The following CSMD2 variants were observed in gnomAD, a reference collection of about 807,000 sequenced individuals.
CSMD2 encodes CUB and Sushi multiple domains 2.
A neutral mutation model predicts 398.5 loss-of-function variants in CSMD2; 130 were observed. The observed-to-expected ratio is 0.33, with a 90% CI of 0.28 to 0.38. The LOEUF is 0.38. Among genes scored for constraint, CSMD2 ranks in the 10% least tolerant of loss-of-function variants. The pLI is 1.00. For synonymous variants in CSMD2, 1,828 were observed against 1,908.5 expected (o/e 0.96, Z 1.10); for missense variants, 3,829 against 4,764.9 (o/e 0.80, Z 5.78).
chr1:33,754,351 A>G (rs1178303465), intron 13 of CSMD2, among the ~76,000 whole-genome samples: 1 of 152,132 alleles, frequency 6.6e-6, no homozygotes, highest in African/African-American at 2.4e-5. Flanking sequence ...CCCCACCCCC[A>G]TCTTGCTCCC....
chr1:33,767,490 T>C (rs935803883), intron 13 of CSMD2, among the ~76,000 whole-genome samples: 1 of 152,166 alleles, frequency 6.6e-6, no homozygotes, highest in African/African-American at 2.4e-5. Flanking sequence ...CATGACACCA[T>C]GAGATTGTCC....
At chr1:33,596,181 T>TC (rs892684768) in intron 44 of CSMD2, among the ~76,000 whole-genome samples, 38 of 152,216 alleles carry the variant, frequency 2.5e-4, no homozygotes, top group Middle Eastern at 3.4e-3. Flanking sequence ...TGCTGACCCC[T>TC]CCCTCCTCAC....
chr1:33,645,563 A>G (rs1456565648), intron 29 of CSMD2, among the ~76,000 whole-genome samples: 3 of 152,218 alleles, frequency 2.0e-5, no homozygotes, highest in Non-Finnish European at 4.4e-5. Flanking sequence ...ATAATTAGGG[A>G]AGACTAAAAG....
At position 33,879,069 on chromosome 1, in the gene CSMD2, G is replaced by C. The variant is rs60770238; in HGVS notation, c.921-32073C>G. Among the ~76,000 whole-genome samples, 519 of 152,334 alleles carry C rather than the reference G, an allele frequency of 3.4e-3. 3 individuals carry two copies. The highest frequency in any genetic ancestry group is 0.012 in the African/African-American group (482 of 41,576). The stretch of plus-strand genomic sequence containing the variant: ...CAATCAAAGAGTTCTCTCGGCTGGA[G>C]GTTCCAACTGGAATGTGTGAGTTGG... On this transcript the variant is annotated intron_variant, in intron 5 of 70. Coordinates refer to ENST00000373381, the MANE Select transcript of CSMD2 (RefSeq NM_001281956.2).
At chr1:34,077,736 CAAAAAAAAAA>C (rs59532141) in intron 2 of CSMD2, among the ~76,000 whole-genome samples, 8 of 38,372 alleles carry the variant, frequency 2.1e-4, no homozygotes, top group East Asian at 2.1e-3. Context: ...GACTCCATCT[CAAAAAAAAAA>C]AAAAAAAAAA....
At chr1:33,838,276 T>A (rs1175479356) in intron 6 of CSMD2, among the ~76,000 whole-genome samples, 1 of 152,220 alleles carries the variant, frequency 6.6e-6, no homozygotes, top group Non-Finnish European at 1.5e-5. Flanking sequence ...ATTTCTCCAA[T>A]GTGTATCCTT....
chr1:33,760,073 G>A (rs186383264), intron 13 of CSMD2, among the ~76,000 whole-genome samples: 2 of 152,168 alleles, frequency 1.3e-5, no homozygotes, highest in Non-Finnish European at 1.5e-5. Context: ...ATCCCATAGA[G>A]GTTGGCTAGG....
intron 10 of CSMD2, among the ~76,000 whole-genome samples, chr1:33,801,385 C>T (rs1655588884): frequency 6.6e-6 from 1 of 152,114 alleles, no homozygotes; most frequent in East Asian, 1.9e-4. Context: ...GGGTTTCAGT[C>T]CTGTCTACAT....
intron 3 of CSMD2, among the ~76,000 whole-genome samples, chr1:33,988,036 T>C (rs61771362): frequency 0.082 from 12,426 of 152,260 alleles, 840 homozygotes; most frequent in East Asian, 0.29. Context: ...AAACACTTCA[T>C]GTACCAAGTG....
chr1:33,638,926 G>A (rs1642958777), intron 29 of CSMD2, among the ~76,000 whole-genome samples: 1 of 152,162 alleles, frequency 6.6e-6, no homozygotes, highest in South Asian at 2.1e-4. Flanking sequence ...CTAGAATATA[G>A]ATTTCAGAAG....
chr1:33,836,702 A>T (rs561152800), intron 6 of CSMD2, among the ~76,000 whole-genome samples: 1 of 152,242 alleles, frequency 6.6e-6, no homozygotes, highest in Non-Finnish European at 1.5e-5. Flanking sequence ...ATTTGCTAAG[A>T]CTGTCGGAAA....
intron 2 of CSMD2, among the ~76,000 whole-genome samples, chr1:34,080,128 A>C (rs1571034612): frequency 8.7e-6 from 1 of 114,900 alleles, no homozygotes; most frequent in East Asian, 2.4e-4. Context: ...AATGTAAAGC[A>C]AAAAAAAAAA....
intron 64 of CSMD2, among the ~76,000 whole-genome samples, chr1:33,527,767 G>A (rs541447172): frequency 6.6e-6 from 1 of 152,112 alleles, no homozygotes; most frequent in East Asian, 1.9e-4. Flanking sequence ...AGAAGTAAAG[G>A]AATAAAAGGT....
At position 33,841,340 on chromosome 1, in the gene CSMD2, T is replaced by A. The variant is rs7546990; in HGVS notation, c.1033+5544A>T. 3.1e-3 allele frequency among the ~76,000 whole-genome samples: 473 copies of A among 152,310 alleles called. 2 individuals are homozygous for A. The highest frequency in any genetic ancestry group is 0.011 in the African/African-American group (456 of 41,562). Reference sequence around the variant, plus strand: ...TTAACAAGTGAGTCAAAGTGATTGATGAATATGAGGATTGAGGGTTCCACT... The same window carrying A: ...TTAACAAGTGAGTCAAAGTGATTGAAGAATATGAGGATTGAGGGTTCCACT... On this transcript the variant is annotated intron_variant, in intron 6 of 70. Coordinates refer to ENST00000373381, the MANE Select transcript of CSMD2 (RefSeq NM_001281956.2).
At chr1:34,097,566 GA>G (rs1659472518) in intron 1 of CSMD2, among the ~76,000 whole-genome samples, 1 of 133,846 alleles carries the variant, frequency 7.5e-6, no homozygotes, top group African/African-American at 2.8e-5. Context: ...AAATTGACAA[GA>G]AAAAAACAAA....
At chr1:33,646,021 T>C (rs1045074956) in intron 29 of CSMD2, among the ~76,000 whole-genome samples, 3 of 152,216 alleles carry the variant, frequency 2.0e-5, no homozygotes, top group Non-Finnish European at 4.4e-5. Context: ...TATTTACTAT[T>C]TTTAGGGGAA....
intron 29 of CSMD2, among the ~76,000 whole-genome samples, chr1:33,645,683 G>A (rs1450101466): frequency 6.6e-6 from 1 of 152,298 alleles, no homozygotes; most frequent in East Asian, 1.9e-4. Context: ...TATGTGCCAG[G>A]CACTGTACCA....
chr1:33,906,347 G>T (rs557213810), intron 5 of CSMD2, among the ~76,000 whole-genome samples: 18 of 152,342 alleles, frequency 1.2e-4, no homozygotes, highest in South Asian at 1.0e-3. Flanking sequence ...TTTGCCTGGG[G>T]CTTAGCATGT....
intron 5 of CSMD2, among the ~76,000 whole-genome samples, chr1:33,881,058 C>A (rs1641204442): frequency 6.6e-6 from 1 of 152,162 alleles, no homozygotes. Flanking sequence ...CTCTTAATGA[C>A]CTCGCTGGTA....
Sources: gnomAD v4.1 joint callset for allele counts (sites outside exome capture counted in the v4.1 genomes callset) on GRCh38, gnomAD v4.1.1 for gene constraint, MANE v1.5 for transcripts, NCBI Gene and HGNC (gene_info 2026-07-23, HGNC 2026-07-21) for gene names.